The following KLF12 variants were observed in gnomAD, a reference collection of about 807,000 sequenced individuals.
KLF12 encodes the protein KLF transcription factor 12.
Under a neutral mutation model 37.8 loss-of-function variants are expected in KLF12, and 9 were observed. That is an observed-to-expected ratio of 0.24 (90% CI 0.14 to 0.42). KLF12 has a LOEUF of 0.42. Ranked by LOEUF, KLF12 falls within the 10% of genes least tolerant of loss-of-function variation. KLF12 has a pLI of 1.00. For missense variants in KLF12, 411 were observed against 516.0 expected (o/e 0.80, Z 1.97); for synonymous variants, 208 against 202.1 (o/e 1.03, Z -0.25).
At chr13:73,992,105 T>C (rs893366908) in intron 2 of KLF12, among the ~76,000 whole-genome samples, 18 of 152,326 alleles carry the variant, frequency 1.2e-4, no homozygotes, top group Admixed American at 6.5e-5. Flanking sequence ...CTAATGTATA[T>C]GTGGGATGGG....
the KLF12 span, among the ~76,000 whole-genome samples, chr13:74,176,590 T>G: frequency 6.6e-6 from 1 of 152,176 alleles, no homozygotes. Flanking sequence ...CATCATGAGC[T>G]CCTGTTCTAG....
At chr13:74,082,002 T>C (rs1024985667) in intron 1 of KLF12, among the ~76,000 whole-genome samples, 9 of 151,978 alleles carry the variant, frequency 5.9e-5, no homozygotes, top group African/African-American at 1.4e-4. Flanking sequence ...TGCAAAATTA[T>C]TGATTCAAGA....
upstream of KLF12, among the ~76,000 whole-genome samples, chr13:74,135,659 G>A (rs1878527485): frequency 6.6e-6 from 1 of 151,876 alleles, no homozygotes; most frequent in South Asian, 2.1e-4. Flanking sequence ...ACCATCCTAG[G>A]TGAGCGCGGC....
At chr13:73,938,943 TC>T (rs1890070509) in intron 3 of KLF12, among the ~76,000 whole-genome samples, 1 of 152,194 alleles carries the variant, frequency 6.6e-6, no homozygotes, top group Non-Finnish European at 1.5e-5. Context: ...CAGGCTCGCT[TC>T]CCCAAGGGTA....
chr13:73,951,875 G>A (rs1157439702), intron 2 of KLF12, among the ~76,000 whole-genome samples: 1 of 152,152 alleles, frequency 6.6e-6, no homozygotes, highest in Admixed American at 6.5e-5. Context: ...AGTTCCAGGA[G>A]GACAGAGAGT....
At chr13:74,221,532 G>A in the KLF12 span, among the ~76,000 whole-genome samples, 1 of 151,600 alleles carries the variant, frequency 6.6e-6, no homozygotes, top group Admixed American at 6.6e-5. Context: ...TAACTTTAGA[G>A]GGCATCATTA....
chr13:73,955,996 T>C (rs552278770), intron 2 of KLF12, among the ~76,000 whole-genome samples: 2 of 152,318 alleles, frequency 1.3e-5, no homozygotes, highest in East Asian at 3.9e-4. Context: ...AGGATGTACA[T>C]GCATGTACAT....
chr13:74,263,698 C>T, the KLF12 span, among the ~76,000 whole-genome samples: 5 of 152,162 alleles, frequency 3.3e-5, no homozygotes, highest in Non-Finnish European at 7.3e-5. Flanking sequence ...TGAAATCACG[C>T]CACTGCACTC....
intron 1 of KLF12, among the ~76,000 whole-genome samples, chr13:74,104,905 G>A (rs1876569936): frequency 6.6e-6 from 1 of 152,058 alleles, no homozygotes; most frequent in Non-Finnish European, 1.5e-5. Context: ...CCTCCCCCGC[G>A]ATGTATAAGT....
At chr13:73,774,219 T>C (rs1880442890) in intron 5 of KLF12, among the ~76,000 whole-genome samples, 1 of 151,230 alleles carries the variant, frequency 6.6e-6, no homozygotes, top group Non-Finnish European at 1.5e-5. Context: ...CTGCAATAAT[T>C]TGGAAAAATA....
At position 73,943,963 on chromosome 13, in the gene KLF12, C is replaced by A; in HGVS notation, c.123+18G>T. ...TCTCATCAAAAGGAGTGGGGCATTG[C>A]TGGAAACTTGTGCTTACCCCTTGTT... On this transcript the variant is annotated intron_variant, in intron 3 of 7. Transcript: ENST00000377669. 2 of 1,546,304 alleles carry A rather than the reference C, an allele frequency of 1.3e-6. No homozygotes were observed. Among genetic ancestry groups the A allele is most frequent in the South Asian group, 2.2e-5 (2 of 89,506 alleles).
intron 1 of KLF12, among the ~76,000 whole-genome samples, chr13:74,055,293 CAT>C: frequency 6.6e-6 from 1 of 152,276 alleles, no homozygotes; most frequent in South Asian, 2.1e-4. Context: ...CATTTACTTA[CAT>C]GTCTTTAAAA....
At chr13:73,884,540 G>A (rs544424591) in intron 3 of KLF12, among the ~76,000 whole-genome samples, 1 of 152,322 alleles carries the variant, frequency 6.6e-6, no homozygotes, top group African/African-American at 2.4e-5. Context: ...ACCACAGAAT[G>A]AGGAGTCTGT....
At chr13:74,089,702 C>A (rs369191947) in intron 1 of KLF12, among the ~76,000 whole-genome samples, 1 of 125,252 alleles carries the variant, frequency 8.0e-6, no homozygotes. Context: ...TGGAAAGATG[C>A]AATAAAAGCA....
At chr13:73,778,075 A>G (rs1594080163) in intron 5 of KLF12, among the ~76,000 whole-genome samples, 1 of 151,496 alleles carries the variant, frequency 6.6e-6, no homozygotes, top group African/African-American at 2.4e-5. Flanking sequence ...CAGAGGTTTC[A>G]GTGAGCTGAG....
At position 73,729,592 on chromosome 13, in the gene KLF12, C is replaced by T. The variant is rs143645708; in HGVS notation, c.870-14067G>A. On this transcript the variant is annotated intron_variant, in intron 6 of 7. Coordinates refer to ENST00000377669, the MANE Select transcript of KLF12 (RefSeq NM_007249.5). ...ACTCCTCTTCCTACATTTCATCTTT[C>T]CAAAATCTTAAAAATGTCAAGATGA... is the stretch of plus-strand genomic sequence containing the variant. Among the ~76,000 whole-genome samples, 9 of 152,248 alleles carry T rather than the reference C, an allele frequency of 5.9e-5. No individual in the cohort carries two copies. The East Asian group carries it at 1.7e-3, about 29-fold the overall frequency.
At chr13:73,826,689 T>G (rs1170068444) in intron 4 of KLF12, among the ~76,000 whole-genome samples, 1 of 152,140 alleles carries the variant, frequency 6.6e-6, no homozygotes, top group Non-Finnish European at 1.5e-5. Context: ...TTTTTGGCCC[T>G]TAACTACATA....
intron 1 of KLF12, among the ~76,000 whole-genome samples, chr13:74,058,047 A>C (rs1227780328): frequency 2.0e-5 from 3 of 151,384 alleles, no homozygotes; most frequent in Non-Finnish European, 4.4e-5. Flanking sequence ...GCTCACTGCA[A>C]CCTCCATCTC....
the KLF12 span, among the ~76,000 whole-genome samples, chr13:74,156,580 CT>C: frequency 1.3e-5 from 2 of 152,014 alleles, no homozygotes; most frequent in Admixed American, 1.3e-4. Context: ...CTTTCTATTT[CT>C]TTTTTGAGAC....
Sources: gnomAD v4.1 joint callset for allele counts (sites outside exome capture counted in the v4.1 genomes callset) on GRCh38, gnomAD v4.1.1 for gene constraint, MANE v1.5 for transcripts, NCBI Gene and HGNC (gene_info 2026-07-23, HGNC 2026-07-21) for gene names.